The following CCDC91 variants were observed in gnomAD, a reference collection of about 807,000 sequenced individuals.
The protein encoded by CCDC91 is coiled-coil domain containing 91, also known as coiled-coil domain-containing protein 91.
CCDC91 carries 48 observed loss-of-function variants against 63.2 expected under a neutral mutation model. That is an observed-to-expected ratio of 0.76 (90% CI 0.60 to 0.97). CCDC91 has a LOEUF of 0.97. CCDC91 is among the 50% of genes least tolerant of loss of function. The probability of loss-of-function intolerance (pLI) is 0.00; values close to 1 mark genes in which losing one functional copy is unlikely to be tolerated. For synonymous variants in CCDC91, 167 were observed against 165.8 expected (o/e 1.01, Z -0.06); for missense variants, 500 against 494.6 (o/e 1.01, Z -0.10).
At chr12:28,517,807 T>G (rs1312423497) in intron 12 of CCDC91, among the ~76,000 whole-genome samples, 3 of 151,856 alleles carry the variant, frequency 2.0e-5, no homozygotes, top group East Asian at 1.9e-4. Flanking sequence ...TCCCCCTGAG[T>G]CCCGAAAGTC....
At chr12:28,276,693 G>T (rs1173746723) in intron 3 of CCDC91, among the ~76,000 whole-genome samples, 1 of 151,744 alleles carries the variant, frequency 6.6e-6, no homozygotes, top group African/African-American at 2.4e-5. Context: ...AAAGGACAGT[G>T]ATTTTTTTAT....
At chr12:28,463,511 G>A (rs1161919201) in intron 11 of CCDC91, among the ~76,000 whole-genome samples, 1 of 152,190 alleles carries the variant, frequency 6.6e-6, no homozygotes. Context: ...ATACTCTTTA[G>A]AAGTTGCTGG....
chr12:28,197,416 TTGATAAGAATTATAGA>T (rs1267183198), intron 1 of CCDC91, among the ~76,000 whole-genome samples: 1 of 152,182 alleles, frequency 6.6e-6, no homozygotes, highest in Non-Finnish European at 1.5e-5. Context: ...TGCTCTTCTT[TTGATAAGAATTATAGA>T]AATCTTTGTG....
chr12:28,431,780 G>A (rs1948639834), intron 8 of CCDC91, among the ~76,000 whole-genome samples: 1 of 151,850 alleles, frequency 6.6e-6, no homozygotes, highest in East Asian at 1.9e-4. Context: ...TTCAGTCTTG[G>A]TGGTGTACAT....
chr12:28,404,735 A>G (rs1946830239), intron 8 of CCDC91, among the ~76,000 whole-genome samples: 1 of 152,072 alleles, frequency 6.6e-6, no homozygotes, highest in African/African-American at 2.4e-5. Context: ...CACTTTTATT[A>G]TTATATAATG....
chr12:28,196,873 CA>C (rs1298564748), intron 1 of CCDC91, among the ~76,000 whole-genome samples: 1 of 152,056 alleles, frequency 6.6e-6, no homozygotes, highest in Non-Finnish European at 1.5e-5. Context: ...TTGCCCTTTT[CA>C]CTCAGAATCA....
Position 28,259,414 on chromosome 12 carries a change from T to C in CCDC91, c.81T>C (p.Pro27=), listed in dbSNP as rs149713516. 3.1e-6 allele frequency: 5 copies of C among 1,610,940 alleles called. No individual in the cohort carries two copies. The highest frequency in any genetic ancestry group is 4.2e-6 in the Non-Finnish European group (5 of 1,177,764). ...GTGGTGAAACCCAAACAACATCTCC[T>C]GCTATTCCTTGGGCTGCCTTTCCTG... ...GGSGETQTTS[P]AIPWAAFPAV... is the part of the protein sequence containing the mutation. The change falls in exon 3 of 13, where the codon CCT becomes CCC. Residue 27 remains proline, a synonymous_variant. Coordinates refer to ENST00000536442, the MANE Select transcript of CCDC91 (RefSeq NM_018318.5).
intron 6 of CCDC91, among the ~76,000 whole-genome samples, chr12:28,318,929 A>G (rs1940193969): frequency 6.6e-6 from 1 of 151,978 alleles, no homozygotes; most frequent in East Asian, 1.9e-4. Flanking sequence ...CTCAAGTCCA[A>G]GATGACATAG....
chr12:28,538,203 C>T (rs558576038), intron 12 of CCDC91, among the ~76,000 whole-genome samples: 167 of 150,324 alleles, frequency 1.1e-3, no homozygotes, highest in African/African-American at 3.7e-3. Context: ...TGTGCTACAC[C>T]CAGTAACTCG....
chr12:28,247,325 A>T (rs1187506549), intron 1 of CCDC91, among the ~76,000 whole-genome samples: 2 of 151,976 alleles, frequency 1.3e-5, no homozygotes, highest in Non-Finnish European at 2.9e-5. Flanking sequence ...CTAAAAATAC[A>T]AAAAATTAGC....
At chr12:28,429,428 G>A (rs538863937) in intron 8 of CCDC91, among the ~76,000 whole-genome samples, 3 of 152,098 alleles carry the variant, frequency 2.0e-5, no homozygotes. Context: ...ATACTAGAAA[G>A]GATTTTTTTA....
intron 8 of CCDC91, among the ~76,000 whole-genome samples, chr12:28,427,424 GGAGATACT>G (rs781235415): frequency 1.5e-3 from 230 of 152,186 alleles, no homozygotes; most frequent in Middle Eastern, 6.8e-3. Context: ...TGCATTACAG[GGAGATACT>G]GATGGGATTC....
In CCDC91 at chr12:28,452,433, T is replaced by C. The variant is rs1360404943; in HGVS notation, c.925-45T>C. On this transcript the variant is annotated intron_variant, in intron 10 of 12. Transcript: ENST00000536442. ...ACCAAGTCTGTTACTCAAGAAATTA[T>C]TATGCAGTCTTTCAAATTTGTTCTG... 2.6e-6 allele frequency: 3 copies of C among 1,161,204 alleles called. No homozygotes were observed. The African/African-American group carries it at 5.5e-5, about 21-fold the overall frequency. The allele number at this position is 1,161,204 out of a possible 1,614,324, so 71.9% of individuals were successfully genotyped here. A position where few individuals can be genotyped will look rare whatever the true frequency, so the allele number is the denominator to read the frequency against.
At chr12:28,407,927 C>T (rs1947053994) in intron 8 of CCDC91, among the ~76,000 whole-genome samples, 1 of 148,264 alleles carries the variant, frequency 6.7e-6, no homozygotes, top group Non-Finnish European at 1.5e-5. Context: ...CACAATTGGT[C>T]TTAACCATAT....
chr12:28,296,310 C>T (rs1305826609), intron 3 of CCDC91, among the ~76,000 whole-genome samples: 4 of 151,742 alleles, frequency 2.6e-5, no homozygotes, highest in Middle Eastern at 6.8e-3. Context: ...TGCAGAATTC[C>T]GAAATTTGAT....
At chr12:28,330,386 A>G (rs1000710075) in intron 6 of CCDC91, among the ~76,000 whole-genome samples, 1 of 150,802 alleles carries the variant, frequency 6.6e-6, no homozygotes, top group African/African-American at 2.4e-5. Context: ...GCATTTTTTC[A>G]TGTGTCTGTT....
At position 28,443,950 on chromosome 12, in the gene CCDC91, G is replaced by A. The variant is rs577028748; in HGVS notation, c.763-6211G>A. Among the ~76,000 whole-genome samples, 13 of 152,166 alleles carry A rather than the reference G, an allele frequency of 8.5e-5. No individual in the cohort carries two copies. In the South Asian group the frequency reaches 2.7e-3, roughly 32 times the overall value. ...TATACTGTGGTAACAATAGTTTGCA[G>A]AACCTGTTTACTGGTTTTTGACCAT... is the stretch of plus-strand genomic sequence containing the variant. On this transcript the variant is annotated intron_variant, in intron 8 of 12. Coordinates refer to ENST00000536442, the MANE Select transcript of CCDC91 (RefSeq NM_018318.5).
At chr12:28,203,647 A>G (rs1942629748) in intron 1 of CCDC91, among the ~76,000 whole-genome samples, 1 of 152,258 alleles carries the variant, frequency 6.6e-6, no homozygotes, top group South Asian at 2.1e-4. Context: ...CAGTATAGTT[A>G]GGAATTTATA....
intron 6 of CCDC91, among the ~76,000 whole-genome samples, chr12:28,362,199 C>G (rs1943934250): frequency 6.6e-6 from 1 of 151,526 alleles, no homozygotes; most frequent in Non-Finnish European, 1.5e-5. Context: ...TATCTCACCT[C>G]TCAACATGGT....
Sources: gnomAD v4.1 joint callset for allele counts (sites outside exome capture counted in the v4.1 genomes callset) on GRCh38, gnomAD v4.1.1 for gene constraint, MANE v1.5 for transcripts, NCBI Gene and HGNC (gene_info 2026-07-23, HGNC 2026-07-21) for gene names.